ZBTB20: variants seen among roughly 807,000 people sequenced by gnomAD.
The protein encoded by ZBTB20 is zinc finger and BTB domain containing 20.
ZBTB20 carries 9 observed loss-of-function variants against 56.9 expected under a neutral mutation model. The ratio of observed to expected loss-of-function variants is 0.16; its 90% CI spans 0.10 to 0.28. The LOEUF is 0.28. ZBTB20 is among the 10% of genes least tolerant of loss of function. The pLI is 1.00. For synonymous variants in ZBTB20, 417 were observed against 420.7 expected (o/e 0.99, Z 0.11); for missense variants, 655 against 1,003.0 (o/e 0.65, Z 4.69).
intron 5 of ZBTB20, among the ~76,000 whole-genome samples, chr3:114,771,985 T>C (rs2069242676): frequency 6.6e-6 from 1 of 152,192 alleles, no homozygotes; most frequent in African/African-American, 2.4e-5. Context: ...CTGCTCTCAA[T>C]AGGTCACACT....
intron 1 of ZBTB20, among the ~76,000 whole-genome samples, chr3:115,113,433 T>C (rs1338069824): frequency 1.3e-5 from 2 of 152,200 alleles, no homozygotes; most frequent in Admixed American, 1.3e-4. Context: ...TGGTATAAGA[T>C]CAAAGGCAAA....
intron 4 of ZBTB20, among the ~76,000 whole-genome samples, chr3:114,859,642 T>C (rs543657045): frequency 1.3e-5 from 2 of 149,750 alleles, no homozygotes; most frequent in East Asian, 4.1e-4. Flanking sequence ...ATTCTTATAA[T>C]GGCCTCCAAT....
At chr3:114,993,172 C>A (rs2078889346) in intron 2 of ZBTB20, among the ~76,000 whole-genome samples, 1 of 151,604 alleles carries the variant, frequency 6.6e-6, no homozygotes, top group Non-Finnish European at 1.5e-5. Flanking sequence ...ATGAGGAAGA[C>A]AATGAATACA....
chr3:114,824,590 T>C (rs1030088018), intron 4 of ZBTB20, among the ~76,000 whole-genome samples: 1 of 151,984 alleles, frequency 6.6e-6, no homozygotes, highest in Admixed American at 6.6e-5. Context: ...TGTCATCATG[T>C]ATGTTTGTTT....
At chr3:114,805,029 C>G (rs1472761789) in intron 4 of ZBTB20, among the ~76,000 whole-genome samples, 1 of 151,744 alleles carries the variant, frequency 6.6e-6, no homozygotes, top group Non-Finnish European at 1.5e-5. Context: ...TATAAATTCT[C>G]CATTTGCTTT....
intron 3 of ZBTB20, among the ~76,000 whole-genome samples, chr3:114,912,527 T>C (rs959303175): frequency 6.6e-6 from 1 of 151,954 alleles, no homozygotes; most frequent in Non-Finnish European, 1.5e-5. Flanking sequence ...TATTTTGATA[T>C]AGGCACATAA....
chr3:114,647,462 G>A (rs1371803284), intron 6 of ZBTB20, among the ~76,000 whole-genome samples: 2 of 152,152 alleles, frequency 1.3e-5, no homozygotes, highest in African/African-American at 4.8e-5. Context: ...GTGGCAGCTT[G>A]GAGTTCTCAA....
intron 1 of ZBTB20, among the ~76,000 whole-genome samples, chr3:115,093,550 A>C (rs2083276333): frequency 6.6e-6 from 1 of 152,140 alleles, no homozygotes; most frequent in South Asian, 2.1e-4. Context: ...GTTTCATACA[A>C]ATTATTTGAC....
At chr3:114,592,411 C>T (rs1423934910) in intron 6 of ZBTB20, among the ~76,000 whole-genome samples, 2 of 152,078 alleles carry the variant, frequency 1.3e-5, no homozygotes, top group Non-Finnish European at 2.9e-5. Flanking sequence ...TAGGATATTT[C>T]GTGGAATAAA....
chr3:114,994,738 T>C (rs115065662), intron 2 of ZBTB20, among the ~76,000 whole-genome samples: 44 of 151,900 alleles, frequency 2.9e-4, no homozygotes, highest in African/African-American at 1.0e-3. Flanking sequence ...CTGTTCTATA[T>C]TGATTTTCAT....
intron 6 of ZBTB20, among the ~76,000 whole-genome samples, chr3:114,681,870 T>C (rs1460792977): frequency 6.6e-6 from 1 of 152,182 alleles, no homozygotes; most frequent in Non-Finnish European, 1.5e-5. Flanking sequence ...CCCACAGAGT[T>C]TAACCATCAT....
At chr3:115,091,499 T>C (rs1188019498) in intron 1 of ZBTB20, among the ~76,000 whole-genome samples, 1 of 151,894 alleles carries the variant, frequency 6.6e-6, no homozygotes, top group Non-Finnish European at 1.5e-5. Flanking sequence ...TCAATTACAA[T>C]ACACACTTGT....
At chr3:114,657,224 C>T (rs1206394361) in intron 6 of ZBTB20, among the ~76,000 whole-genome samples, 2 of 152,136 alleles carry the variant, frequency 1.3e-5, no homozygotes, top group Admixed American at 1.3e-4. Flanking sequence ...TTGAAGAGGA[C>T]TGGTTTTATT....
At chr3:115,101,817 C>G (rs2083593275) in intron 1 of ZBTB20, among the ~76,000 whole-genome samples, 1 of 152,048 alleles carries the variant, frequency 6.6e-6, no homozygotes, top group Non-Finnish European at 1.5e-5. Context: ...TATTAACATG[C>G]TTCAAAAATT....
rs994388084 is a variant in ZBTB20 at position 114,566,339 on chromosome 3, T to C, written c.-294-65948A>G. ...TAACCCCTGGGTCACACAGCGAGGA[T>C]AACATCACAGACCAAGGCAAGAGGA... On this transcript the variant is annotated intron_variant, in intron 6 of 11. Coordinates refer to ENST00000675478, the MANE Select transcript of ZBTB20 (RefSeq NM_001348800.3). Among the ~76,000 whole-genome samples the C allele has an allele frequency of 3.9e-5, 6 of 152,262 alleles. No homozygotes were observed. In the South Asian group the frequency reaches 1.2e-3, roughly 32 times the overall value.
intron 2 of ZBTB20, among the ~76,000 whole-genome samples, chr3:115,039,110 G>T (rs998475075): frequency 7.9e-5 from 12 of 151,944 alleles, no homozygotes; most frequent in Admixed American, 7.2e-4. Flanking sequence ...ATCTTAAACT[G>T]ACCTGACAGA....
chr3:114,838,636 G>C (rs1002516085), intron 4 of ZBTB20, among the ~76,000 whole-genome samples: 18 of 152,056 alleles, frequency 1.2e-4, no homozygotes, highest in African/African-American at 3.4e-4. Flanking sequence ...TTAGGCAGAG[G>C]GTAGTCATAG....
At chr3:114,488,571 A>C (rs1323020007) in intron 7 of ZBTB20, among the ~76,000 whole-genome samples, 1 of 152,222 alleles carries the variant, frequency 6.6e-6, no homozygotes, top group African/African-American at 2.4e-5. Context: ...TATGGCAAAA[A>C]TTATCACTGA....
intron 11 of ZBTB20, among the ~76,000 whole-genome samples, chr3:114,342,499 C>T (rs1241750468): frequency 2.0e-5 from 3 of 152,140 alleles, no homozygotes; most frequent in Non-Finnish European, 4.4e-5. Context: ...TGGGCCTATA[C>T]AGATGTAGGA....
Sources: allele counts gnomAD v4.1 joint callset (sites outside exome capture counted in the v4.1 genomes callset), GRCh38; gene constraint gnomAD v4.1.1; transcripts MANE v1.5; gene names NCBI Gene and HGNC (gene_info 2026-07-23, HGNC 2026-07-21).